The following NUP210L variants were observed in gnomAD, a reference collection of about 807,000 sequenced individuals.
NUP210L encodes the protein nucleoporin 210 like.
NUP210L carries 74 observed loss-of-function variants against 208.5 expected under a neutral mutation model. The observed-to-expected ratio is 0.35, with a 90% CI of 0.29 to 0.43. The LOEUF (loss-of-function observed/expected upper bound fraction) is 0.43. Ranked by LOEUF, NUP210L falls within the 20% of genes least tolerant of loss-of-function variation. NUP210L has a pLI of 1.00. For synonymous variants in NUP210L, 780 were observed against 816.9 expected, an observed-to-expected ratio of 0.95 and a Z score of 0.77; for missense variants, 1,843 against 2,289.4, an observed-to-expected ratio of 0.81 and a Z score of 3.98.
At chr1:154,072,621 C>T (rs570354576) in intron 16 of NUP210L, among the ~76,000 whole-genome samples, 238 of 152,080 alleles carry the variant, frequency 1.6e-3, no homozygotes, top group Non-Finnish European at 2.8e-3. Context: ...CGTGAGCCAC[C>T]GCGCCTGGCA....
At chr1:154,103,677 A>G (rs1656595586) in intron 13 of NUP210L, among the ~76,000 whole-genome samples, 1 of 150,342 alleles carries the variant, frequency 6.7e-6, no homozygotes. Context: ...GTCTCAAAAA[A>G]AAAAAAAAAA....
intron 13 of NUP210L, among the ~76,000 whole-genome samples, chr1:154,101,870 C>T (rs1056939475): frequency 1.3e-5 from 2 of 152,154 alleles, no homozygotes; most frequent in Non-Finnish European, 2.9e-5. Context: ...GTTGATTTAG[C>T]CGGGCATGGT....
At chr1:154,064,193 T>C (rs1482873680) in intron 17 of NUP210L, among the ~76,000 whole-genome samples, 2 of 152,006 alleles carry the variant, frequency 1.3e-5, no homozygotes, top group Non-Finnish European at 2.9e-5. Flanking sequence ...CCAATGCACC[T>C]GGCCTAAACA....
intron 27 of NUP210L, among the ~76,000 whole-genome samples, chr1:154,045,674 G>A (rs1312434610): frequency 6.6e-6 from 1 of 152,132 alleles, no homozygotes; most frequent in African/African-American, 2.4e-5. Context: ...TTTAGGGAGT[G>A]AGTAATCAGT....
intron 27 of NUP210L, among the ~76,000 whole-genome samples, chr1:154,034,454 G>A (rs1246231763): frequency 6.6e-6 from 1 of 151,922 alleles, no homozygotes; most frequent in South Asian, 2.1e-4. Context: ...TCAGCCTCCC[G>A]AGTAGCTGGA....
exon 2 of NUP210L, chr1:154,152,789 G>T: frequency 6.2e-7 from 1 of 1,614,050 alleles, no homozygotes; most frequent in Non-Finnish European, 8.5e-7. Flanking sequence ...CGTAGATTCA[G>T]CAATGAGTAC....
At chr1:154,112,460 A>G (rs1657090447) in intron 12 of NUP210L, among the ~76,000 whole-genome samples, 1 of 152,164 alleles carries the variant, frequency 6.6e-6, no homozygotes, top group Admixed American at 6.5e-5. Flanking sequence ...TTTGTAACAC[A>G]AAGAAAGGAT....
intron 27 of NUP210L, among the ~76,000 whole-genome samples, chr1:154,038,345 T>A (rs1436422819): frequency 2.0e-5 from 3 of 150,680 alleles, no homozygotes; most frequent in South Asian, 2.1e-4. Context: ...TTCTTTTTTT[T>A]TTTTTTTTAT....
intron 33 of NUP210L, among the ~76,000 whole-genome samples, chr1:154,017,680 C>T (rs1161302014): frequency 1.3e-5 from 2 of 151,864 alleles, no homozygotes; most frequent in East Asian, 3.9e-4. Context: ...CCACGCCCAG[C>T]TAATTTTTGT....
chr1:154,084,429 C>T (rs536625411), intron 16 of NUP210L, among the ~76,000 whole-genome samples: 12 of 151,942 alleles, frequency 7.9e-5, no homozygotes, highest in Non-Finnish European at 1.5e-4. Context: ...CCAGGCTGGT[C>T]TTGAACTTCT....
chr1:154,104,578 C>T (rs1656650135), intron 12 of NUP210L: 1 of 166,280 alleles, frequency 6.0e-6, no homozygotes, highest in South Asian at 1.6e-4. Context: ...TCACTGCACT[C>T]CCCCAGGTGC....
chr1:154,105,791 G>C (rs1656726492), intron 12 of NUP210L, among the ~76,000 whole-genome samples: 1 of 152,220 alleles, frequency 6.6e-6, no homozygotes, highest in Non-Finnish European at 1.5e-5. Flanking sequence ...CCCTAGGCCA[G>C]AGGGGAGCCC....
intron 12 of NUP210L, among the ~76,000 whole-genome samples, chr1:154,111,025 C>CA (rs1255818083): frequency 6.8e-6 from 1 of 148,028 alleles, no homozygotes; most frequent in Non-Finnish European, 1.5e-5. Flanking sequence ...AAAAGATAAA[C>CA]AAAATCGACA....
intron 14 of NUP210L, among the ~76,000 whole-genome samples, chr1:154,098,592 G>A (rs547601430): frequency 6.6e-6 from 1 of 152,290 alleles, no homozygotes; most frequent in South Asian, 2.1e-4. Context: ...CCTGGAGTTG[G>A]TAGCTCCTCT....
intron 15 of NUP210L, among the ~76,000 whole-genome samples, chr1:154,091,592 C>T (rs578057488): frequency 1.3e-4 from 20 of 150,752 alleles, no homozygotes; most frequent in African/African-American, 4.6e-4. Context: ...TCTCCACCTC[C>T]CAGGTTCAAG....
intron 15 of NUP210L, among the ~76,000 whole-genome samples, chr1:154,090,612 A>T (rs1223034108): frequency 1.3e-5 from 2 of 152,180 alleles, no homozygotes; most frequent in African/African-American, 4.8e-5. Flanking sequence ...GGAGTTCAAC[A>T]CCAGCCTGGC....
chr1:154,013,535 T>C (rs907333507), intron 33 of NUP210L, among the ~76,000 whole-genome samples: 10 of 151,932 alleles, frequency 6.6e-5, no homozygotes, highest in Admixed American at 6.6e-5. Flanking sequence ...GATTGTGCCA[T>C]TGTACTCCAG....
At chr1:153,995,047 G>A (rs774467231) in intron 38 of NUP210L, 29 bp downstream of exon 38, 2 of 1,263,250 alleles carry the variant, frequency 1.6e-6, no homozygotes, top group Non-Finnish European at 2.3e-6. Flanking sequence ...TCATGTCAAA[G>A]TCTATGTTAT....
At chr1:154,152,456 G>A (rs1189627638) in intron 2 of NUP210L, among the ~76,000 whole-genome samples, 3 of 150,532 alleles carry the variant, frequency 2.0e-5, no homozygotes, top group East Asian at 2.0e-4. Flanking sequence ...TTACAGGCGC[G>A]AGCCACCGCC....
Sources: gnomAD v4.1 joint callset for allele counts (sites outside exome capture counted in the v4.1 genomes callset) on GRCh38, gnomAD v4.1.1 for gene constraint, MANE v1.5 for transcripts, NCBI Gene and HGNC (gene_info 2026-07-23, HGNC 2026-07-21) for gene names.